The following MAGI2 variants were observed in gnomAD, a reference collection of about 807,000 sequenced individuals.
MAGI2 encodes membrane associated guanylate kinase, WW and PDZ domain containing 2, also known as membrane-associated guanylate kinase, WW and PDZ domain-containing protein 2.
A neutral mutation model predicts 133.3 loss-of-function variants in MAGI2; 35 were observed. That is an observed-to-expected ratio of 0.26 (90% CI 0.20 to 0.35). The LOEUF (loss-of-function observed/expected upper bound fraction) is 0.35, where lower values mean the gene tolerates loss of function less well. Ranked by LOEUF, MAGI2 falls within the 10% of genes least tolerant of loss-of-function variation. The probability of loss-of-function intolerance (pLI) is 1.00; values close to 1 mark genes in which losing one functional copy is unlikely to be tolerated. For missense variants in MAGI2, 1,636 were observed against 1,863.4 expected, an observed-to-expected ratio of 0.88 and a Z score of 2.25; for synonymous variants, 729 against 710.6, an observed-to-expected ratio of 1.03 and a Z score of -0.41.
chr7:78,261,606 A>G (rs1456756283), intron 9 of MAGI2, among the ~76,000 whole-genome samples: 1 of 152,154 alleles, frequency 6.6e-6, no homozygotes, highest in Non-Finnish European at 1.5e-5. Context: ...AAGATTTCAC[A>G]GCTAAATGTA....
intron 4 of MAGI2, chr7:78,519,131 A>T (rs1796280474): frequency 9.4e-6 from 1 of 106,564 alleles, no homozygotes; most frequent in African/African-American, 2.8e-5. Context: ...ACTGTGCTAA[A>T]AAAAAAAAAA....
At chr7:78,603,561 T>C (rs1437310257) in intron 3 of MAGI2, among the ~76,000 whole-genome samples, 2 of 152,208 alleles carry the variant, frequency 1.3e-5, no homozygotes, top group African/African-American at 4.8e-5. Context: ...TCTTGCCCTG[T>C]CACCGAGGCT....
At chr7:78,870,819 T>C (rs1361261690) in intron 2 of MAGI2, among the ~76,000 whole-genome samples, 4 of 151,674 alleles carry the variant, frequency 2.6e-5, no homozygotes, top group Non-Finnish European at 4.4e-5. Flanking sequence ...AACCAACAAA[T>C]GGATAAAGAA....
chr7:79,137,243 G>A (rs1273283120), intron 1 of MAGI2, among the ~76,000 whole-genome samples: 1 of 152,044 alleles, frequency 6.6e-6, no homozygotes, highest in Non-Finnish European at 1.5e-5. Context: ...GTTAATCACT[G>A]TGTGCCCTTC....
chr7:78,143,637 G>A lies in MAGI2; in HGVS notation c.2846-8431C>T, dbSNP rs1479262929. Among the ~76,000 whole-genome samples the A allele has an allele frequency of 2.6e-5, 4 of 152,142 alleles. No homozygotes were observed. The East Asian group carries it at 7.7e-4, about 29-fold the overall frequency. On this transcript the variant is annotated intron_variant, in intron 16 of 21. Transcript: ENST00000354212. ...GGTGTCATTTTTATTTTTTGAAGAAGCATTTATATTTAAAACTTGGTACTG... is the reference window on the plus strand; with the variant it reads ...GGTGTCATTTTTATTTTTTGAAGAAACATTTATATTTAAAACTTGGTACTG...
At chr7:78,111,507 A>C (rs986991241) in intron 20 of MAGI2, among the ~76,000 whole-genome samples, 1 of 152,250 alleles carries the variant, frequency 6.6e-6, no homozygotes, top group Non-Finnish European at 1.5e-5. Flanking sequence ...GAGCAAAGAA[A>C]TGGAGTCCTC....
intron 12 of MAGI2, among the ~76,000 whole-genome samples, chr7:78,188,158 T>C (rs1827870027): frequency 6.6e-6 from 1 of 152,204 alleles, no homozygotes; most frequent in African/African-American, 2.4e-5. Flanking sequence ...GCTCATACCA[T>C]GGTAATTTCC....
chr7:79,192,305 A>G (rs139021245), intron 1 of MAGI2, among the ~76,000 whole-genome samples: 27 of 152,028 alleles, frequency 1.8e-4, no homozygotes, highest in Non-Finnish European at 5.9e-5. Context: ...TCACTGCTGT[A>G]TCTCTGCAAC....
intron 2 of MAGI2, among the ~76,000 whole-genome samples, chr7:78,721,811 C>A (rs1011585603): frequency 6.6e-6 from 1 of 151,736 alleles, no homozygotes; most frequent in African/African-American, 2.4e-5. Context: ...CAAACATAAA[C>A]AGATAAAAAT....
chr7:78,864,688 A>G (rs1794413721), intron 2 of MAGI2, among the ~76,000 whole-genome samples: 1 of 152,164 alleles, frequency 6.6e-6, no homozygotes, highest in South Asian at 2.1e-4. Context: ...TTTCATTTTC[A>G]TTTTGCTCTC....
intron 2 of MAGI2, among the ~76,000 whole-genome samples, chr7:78,945,784 G>A (rs191631569): frequency 2.4e-4 from 36 of 152,198 alleles, no homozygotes; most frequent in South Asian, 6.2e-4. Flanking sequence ...TACTGTGTGC[G>A]TCACACAGGA....
chr7:78,650,401 T>C (rs563600964), intron 2 of MAGI2, among the ~76,000 whole-genome samples: 1 of 152,276 alleles, frequency 6.6e-6, no homozygotes, highest in South Asian at 2.1e-4. Context: ...ACCAAAGTCT[T>C]TCTTATGTGG....
intron 1 of MAGI2, among the ~76,000 whole-genome samples, chr7:79,331,732 C>T (rs1050442507): frequency 4.6e-5 from 7 of 152,028 alleles, no homozygotes; most frequent in African/African-American, 1.7e-4. Flanking sequence ...AGCACGTTTT[C>T]TTCAGTATTC....
In MAGI2 at chr7:79,200,227, T is replaced by C. The variant is rs188295526; in HGVS notation, c.302-193021A>G. Among the ~76,000 whole-genome samples, 667 of 152,088 alleles carry C rather than the reference T, an allele frequency of 4.4e-3. 4 individuals carry two copies. The highest frequency in any genetic ancestry group is 5.6e-3 in the Non-Finnish European group (384 of 68,008). Reference sequence around the variant, plus strand: ...TTCTATGATTCATTTGTGGAACATATACTGAGTCATTTTGAAAAGTTTTAG... The same window carrying C: ...TTCTATGATTCATTTGTGGAACATACACTGAGTCATTTTGAAAAGTTTTAG... On this transcript the variant is annotated intron_variant, in intron 1 of 21. Transcript: ENST00000354212.
At chr7:78,313,986 A>G (rs902487348) in intron 9 of MAGI2, among the ~76,000 whole-genome samples, 3 of 152,156 alleles carry the variant, frequency 2.0e-5, no homozygotes, top group East Asian at 3.8e-4. Flanking sequence ...GTTAACCCAC[A>G]CTAAGATGCT....
At chr7:79,065,526 A>G (rs914667065) in intron 1 of MAGI2, among the ~76,000 whole-genome samples, 3 of 152,060 alleles carry the variant, frequency 2.0e-5, no homozygotes, top group Non-Finnish European at 4.4e-5. Context: ...AATATGGTTA[A>G]TTGAAACTAT....
At chr7:79,057,005 C>T (rs1218383791) in intron 1 of MAGI2, among the ~76,000 whole-genome samples, 1 of 152,138 alleles carries the variant, frequency 6.6e-6, no homozygotes, top group Non-Finnish European at 1.5e-5. Flanking sequence ...CTGAAGAAGT[C>T]CTCCTGTGGT....
At position 78,628,222 on chromosome 7, in the gene MAGI2, T is replaced by C. The variant is rs562856575; in HGVS notation, c.419-983A>G. Among the ~76,000 whole-genome samples, 5 of 152,274 alleles carry C rather than the reference T, an allele frequency of 3.3e-5. No homozygotes were observed. The East Asian group carries it at 7.7e-4, about 24-fold the overall frequency. ...CTTGAATATGCCCTAAGCTTCTTCC[T>C]TTTTCTATGCCACCTACATAGGCAT... On this transcript the variant is annotated intron_variant, in intron 2 of 21. Coordinates refer to ENST00000354212, the MANE Select transcript of MAGI2 (RefSeq NM_012301.4).
At chr7:79,349,354 T>G (rs1841538496) in intron 1 of MAGI2, among the ~76,000 whole-genome samples, 1 of 151,986 alleles carries the variant, frequency 6.6e-6, no homozygotes, top group African/African-American at 2.4e-5. Context: ...CTGGTTGCTA[T>G]TTCTATCTTG....
Sources: allele counts gnomAD v4.1 joint callset (sites outside exome capture counted in the v4.1 genomes callset), GRCh38; gene constraint gnomAD v4.1.1; transcripts MANE v1.5; gene names NCBI Gene and HGNC (gene_info 2026-07-23, HGNC 2026-07-21).